Variants in FLVCR2 observed in about 807,000 individuals in gnomAD.
FLVCR2 encodes the protein choline/ethanolamine transporter FLVCR2.
A neutral mutation model predicts 48.9 loss-of-function variants in FLVCR2; 38 were observed. The ratio of observed to expected loss-of-function variants is 0.78; its 90% CI spans 0.60 to 1.02. FLVCR2 has a LOEUF of 1.02. FLVCR2 is among the 50% of genes least tolerant of loss of function. The probability of loss-of-function intolerance (pLI) is 0.00; values close to 1 mark genes in which losing one functional copy is unlikely to be tolerated. For synonymous variants in FLVCR2, 255 were observed against 257.0 expected (o/e 0.99, Z 0.07); for missense variants, 664 against 663.3 (o/e 1.00, Z -0.01).
At chr14:75,617,093 G>A (rs913048070) in intron 1 of FLVCR2, among the ~76,000 whole-genome samples, 2 of 152,186 alleles carry the variant, frequency 1.3e-5, no homozygotes, top group African/African-American at 4.8e-5. Flanking sequence ...GGAAGAGGAT[G>A]GGAAACAGTG....
intron 1 of FLVCR2, among the ~76,000 whole-genome samples, chr14:75,597,352 T>C (rs776585854): frequency 2.0e-5 from 3 of 151,554 alleles, no homozygotes; most frequent in Non-Finnish European, 4.4e-5. Context: ...TGGAACTGAA[T>C]TTCAGTTCTG....
At chr14:75,634,137 G>C (rs956315102) in intron 4 of FLVCR2, among the ~76,000 whole-genome samples, 1 of 152,114 alleles carries the variant, frequency 6.6e-6, no homozygotes. Flanking sequence ...AACCCACGAG[G>C]GCTGGGCTGG....
intron 5 of FLVCR2, among the ~76,000 whole-genome samples, chr14:75,638,915 A>C (rs969375558): frequency 6.6e-6 from 1 of 152,184 alleles, no homozygotes; most frequent in Non-Finnish European, 1.5e-5. Flanking sequence ...CTATGAAAGA[A>C]AATGTCCAAG....
At chr14:75,611,265 G>C (rs1170752683) in intron 1 of FLVCR2, among the ~76,000 whole-genome samples, 1 of 152,250 alleles carries the variant, frequency 6.6e-6, no homozygotes, top group Non-Finnish European at 1.5e-5. Context: ...TTGAACTACA[G>C]AATGGAGCAT....
chr14:75,632,965 C>G (rs1890081621), intron 3 of FLVCR2: 1 of 702,206 alleles, frequency 1.4e-6, no homozygotes, highest in African/African-American at 1.7e-5. Context: ...CAGTTCCAGT[C>G]TCAGCTACTC....
intron 3 of FLVCR2, chr14:75,631,663 C>A (rs1024303131): frequency 4.7e-6 from 2 of 429,592 alleles, no homozygotes; most frequent in African/African-American, 4.0e-5. Context: ...CAGTATCAGG[C>A]TAGGGCAGGC....
At chr14:75,607,405 G>A (rs891171850) in intron 1 of FLVCR2, among the ~76,000 whole-genome samples, 3 of 152,086 alleles carry the variant, frequency 2.0e-5, no homozygotes, top group African/African-American at 7.3e-5. Context: ...TCATGAATTG[G>A]CTGGCTCCAA....
At chr14:75,596,332 A>C (rs149571997) in intron 1 of FLVCR2, 3 of 380,312 alleles carry the variant, frequency 7.9e-6, no homozygotes, top group East Asian at 1.1e-4. Flanking sequence ...TAGTGACTAA[A>C]GGTAGACGGG....
intron 1 of FLVCR2, among the ~76,000 whole-genome samples, chr14:75,593,695 C>T (rs1326613070): frequency 5.3e-5 from 8 of 152,176 alleles, no homozygotes; most frequent in South Asian, 2.1e-4. Context: ...AGATCATATC[C>T]GAACCATAGC....
chr14:75,615,319 A>G (rs1008690130), intron 1 of FLVCR2, among the ~76,000 whole-genome samples: 5 of 152,154 alleles, frequency 3.3e-5, no homozygotes, highest in Non-Finnish European at 7.4e-5. Context: ...GATGACTAAG[A>G]TAATTGAGGA....
intron 1 of FLVCR2, among the ~76,000 whole-genome samples, chr14:75,601,683 A>T (rs1037948611): frequency 1.3e-5 from 2 of 152,208 alleles, no homozygotes; most frequent in South Asian, 4.1e-4. Context: ...ACTTCTAGGT[A>T]AAAAATTGAA....
intron 2 of FLVCR2, among the ~76,000 whole-genome samples, chr14:75,622,710 T>C (rs1396554437): frequency 2.0e-5 from 3 of 152,124 alleles, no homozygotes; most frequent in African/African-American, 7.2e-5. Context: ...AGTCTAAGCT[T>C]GTCTATGTCC....
At chr14:75,601,820 T>A (rs1232579346) in intron 1 of FLVCR2, among the ~76,000 whole-genome samples, 1 of 152,204 alleles carries the variant, frequency 6.6e-6, no homozygotes, top group Non-Finnish European at 1.5e-5. Flanking sequence ...TGTGTGTATG[T>A]GTATGTATGT....
chr14:75,583,988 A>T (rs973759482), intron 1 of FLVCR2, among the ~76,000 whole-genome samples: 1 of 152,176 alleles, frequency 6.6e-6, no homozygotes, highest in Non-Finnish European at 1.5e-5. Context: ...GCCAAGGAAC[A>T]TTGGGTTTGG....
chr14:75,639,357 C>A lies in FLVCR2; in HGVS notation c.1130C>A (p.Thr377Lys), dbSNP rs767177733. The A allele has an allele frequency of 1.2e-6, 2 of 1,610,208 alleles. No homozygotes were observed. The highest frequency in any genetic ancestry group is 3.3e-5 in the Admixed American group (2 of 60,016). ...WLDRSKTYKE[T>K]TLVVYIMTLV... ...TTCTTTGCCTCTACTTGTAGAGAGA[C>A]AACCCTGGTAGTCTATATCATGACA... Residue 377 changes from threonine (T) to lysine (K), a missense_variant, in exon 6 of 10, where the codon ACA becomes AAA. By Grantham distance (78) the Thr-to-Lys change is moderately conservative. Transcript: ENST00000238667.
At chr14:75,632,869 G>A in intron 3 of FLVCR2, 1 of 702,362 alleles carries the variant, frequency 1.4e-6, no homozygotes, top group Non-Finnish European at 2.6e-6. Flanking sequence ...GTCATAAAGT[G>A]TCTAATCCAT....
At chr14:75,583,595 C>T (rs998977662) in intron 1 of FLVCR2, among the ~76,000 whole-genome samples, 4 of 152,046 alleles carry the variant, frequency 2.6e-5, no homozygotes, top group Non-Finnish European at 5.9e-5. Flanking sequence ...TGAGGTGTGG[C>T]TGTAGCCTAG....
chr14:75,608,639 C>T (rs1195761771), intron 1 of FLVCR2, among the ~76,000 whole-genome samples: 3 of 152,130 alleles, frequency 2.0e-5, no homozygotes, highest in Non-Finnish European at 2.9e-5. Flanking sequence ...TGGCAATGAT[C>T]GATGGTAACA....
At chr14:75,616,649 G>C (rs1485526005) in intron 1 of FLVCR2, among the ~76,000 whole-genome samples, 1 of 152,160 alleles carries the variant, frequency 6.6e-6, no homozygotes, top group Non-Finnish European at 1.5e-5. Context: ...TGAGCCAATT[G>C]GTTTGAGCAA....
Sources: allele counts gnomAD v4.1 joint callset (sites outside exome capture counted in the v4.1 genomes callset), GRCh38; gene constraint gnomAD v4.1.1; transcripts MANE v1.5; gene names NCBI Gene and HGNC (gene_info 2026-07-23, HGNC 2026-07-21).